The following FBXO32 variants were observed in gnomAD, a reference collection of about 807,000 sequenced individuals.
FBXO32 encodes the protein F-box only protein 32.
In FBXO32, 15 loss-of-function variants were observed where a neutral mutation model predicts 48.3. The ratio of observed to expected loss-of-function variants is 0.31; its 90% CI spans 0.21 to 0.48. The LOEUF (loss-of-function observed/expected upper bound fraction) is 0.48, where lower values mean the gene tolerates loss of function less well. Ranked by LOEUF, FBXO32 falls within the 20% of genes least tolerant of loss-of-function variation. The pLI, the probability that FBXO32 is intolerant of heterozygous loss-of-function variation, is 0.99. For missense variants in FBXO32, 309 were observed against 432.7 expected, an observed-to-expected ratio of 0.71 and a Z score of 2.54; for synonymous variants, 154 against 165.9, an observed-to-expected ratio of 0.93 and a Z score of 0.55.
At position 123,500,156 on chromosome 8, in the gene FBXO32, T is replaced by A. The variant is rs1398739382; in HGVS notation, c.*3217A>T. On this transcript the variant is annotated 3_prime_UTR_variant, in exon 9 of 9. Coordinates refer to ENST00000517956, the MANE Select transcript of FBXO32 (RefSeq NM_058229.4). The stretch of plus-strand genomic sequence containing the variant: ...GCCATTGGATTTTTTTTTTTCTGGA[T>A]CTTGCTCTAGTGTGAGCACTCCTGA... 6.6e-6 allele frequency: 1 copy of A among 152,122 alleles called. No individual in the cohort carries two copies. The highest frequency in any genetic ancestry group is 6.5e-5 in the Admixed American group (1 of 15,274). 9.4% of individuals were successfully genotyped at this position (152,122 alleles called of 1,614,324 possible).
Position 123,504,698 on chromosome 8 carries a change from T to A in FBXO32, c.884A>T (p.Lys295Met), listed in dbSNP as rs1470097321. ...ACATCGGACAAGTTTGAAATACATC[T>A]TCTTCCAATCCAGCTGCCCTTTGTC... is the stretch of plus-strand genomic sequence containing the variant. ...LSDKGQLDWK[K>M]MYFKLVRCYP... is the part of the protein sequence containing the mutation. The change falls in exon 8 of 9, where the codon AAG (lysine) becomes ATG (methionine). Residue 295 changes from lysine (K) to methionine (M), a missense_variant. By Grantham distance (95) the Lys-to-Met change is moderately conservative. Transcript: ENST00000517956. The A allele has an allele frequency of 8.7e-6, 14 of 1,614,142 alleles. No homozygotes were observed. Among genetic ancestry groups the A allele is most frequent in the Non-Finnish European group, 1.2e-5 (14 of 1,180,002 alleles).
chr8:123,528,729 A>G (rs780595350), intron 4 of FBXO32, among the ~76,000 whole-genome samples: 1 of 152,256 alleles, frequency 6.6e-6, no homozygotes, highest in Non-Finnish European at 1.5e-5. Flanking sequence ...AGTGTTAGCC[A>G]TCTCTTTTAT....
At chr8:123,507,052 C>T (rs914331141) in intron 6 of FBXO32, among the ~76,000 whole-genome samples, 1 of 152,146 alleles carries the variant, frequency 6.6e-6, no homozygotes, top group African/African-American at 2.4e-5. Flanking sequence ...GCCTTCGCCT[C>T]CCCAGTCTTC....
intron 4 of FBXO32, 30 bp downstream of exon 4, chr8:123,531,868 T>C: frequency 6.2e-7 from 1 of 1,609,992 alleles, no homozygotes; most frequent in Non-Finnish European, 8.5e-7. Flanking sequence ...GGAAAGAGCC[T>C]GGATGAGCCT....
chr8:123,524,001 G>A (rs1391066447), intron 4 of FBXO32, among the ~76,000 whole-genome samples: 2 of 152,068 alleles, frequency 1.3e-5, no homozygotes, highest in Non-Finnish European at 2.9e-5. Context: ...CATCATTACT[G>A]GCATCTTTTA....
At chr8:123,532,155 A>AG in intron 3 of FBXO32, 165 bp from the exon 4 acceptor site, 1 of 1,398,236 alleles carries the variant, frequency 7.2e-7, no homozygotes, top group South Asian at 1.6e-5. Flanking sequence ...CAAGCCCTTG[A>AG]GAGCCACCAA....
intron 6 of FBXO32, among the ~76,000 whole-genome samples, chr8:123,509,439 C>A (rs1197226929): frequency 6.6e-6 from 1 of 152,064 alleles, no homozygotes; most frequent in African/African-American, 2.4e-5. Context: ...GTGGCTCATG[C>A]CTGTAATCCT....
rs1328553594 is a variant in FBXO32 at position 123,499,950 on chromosome 8, G to A, written c.*3423C>T. On this transcript the variant is annotated 3_prime_UTR_variant, in exon 9 of 9. Transcript: ENST00000517956. ...TACAAACCCAGTCCCTCTGAAATAC[G>A]TCTTCCAAGCCACTTCAATGTAAAC... The A allele has an allele frequency of 5.9e-5, 9 of 152,144 alleles. No homozygotes were observed. The highest frequency in any genetic ancestry group is 1.0e-4 in the Non-Finnish European group (7 of 68,038). The allele number at this position is 152,144 out of a possible 1,614,324, so 9.4% of individuals were successfully genotyped here. A position where few individuals can be genotyped will look rare whatever the true frequency, so the allele number is the denominator to read the frequency against.
At chr8:123,508,257 C>T (rs1397440866) in intron 6 of FBXO32, among the ~76,000 whole-genome samples, 1 of 152,128 alleles carries the variant, frequency 6.6e-6, no homozygotes, top group African/African-American at 2.4e-5. Flanking sequence ...CACATCGAAG[C>T]CTAAACACAT....
At chr8:123,532,304 TA>T (rs1050737987) in intron 3 of FBXO32, among the ~76,000 whole-genome samples, 2 of 152,168 alleles carry the variant, frequency 1.3e-5, no homozygotes, top group Non-Finnish European at 2.9e-5. Context: ...AATTGCTTAT[TA>T]AGGAAAGACT....
In FBXO32 at chr8:123,503,313, A is replaced by G. The variant is rs1489969257; in HGVS notation, c.*60T>C. ...TTTACAAATGAAGTGTCCAAATGCC[A>G]TATTCCCAGCTCTCCAGTCAGCAGG... On this transcript the variant is annotated 3_prime_UTR_variant, in exon 9 of 9. Transcript: ENST00000517956. The G allele has an allele frequency of 1.2e-5, 17 of 1,388,438 alleles. No homozygotes were observed. Among genetic ancestry groups the G allele is most frequent in the South Asian group, 2.3e-5 (2 of 85,364 alleles). The allele number at this position is 1,388,438 out of a possible 1,614,324, so 86.0% of individuals were successfully genotyped here. A position where few individuals can be genotyped will look rare whatever the true frequency, so the allele number is the denominator to read the frequency against.
At position 123,540,284 on chromosome 8, in the gene FBXO32, A is replaced by C. The variant is rs1488375978; in HGVS notation, c.116+615T>G. Among the ~76,000 whole-genome samples, 1 of 152,150 alleles carries C rather than the reference A, an allele frequency of 6.6e-6. No homozygotes were observed. Among genetic ancestry groups the C allele is most frequent in the South Asian group, 2.1e-4 (1 of 4,826 alleles). On this transcript the variant is annotated intron_variant, in intron 1 of 8. Transcript: ENST00000517956. This position sits in a 1 kb window ranked among gnomAD's most constrained non-coding sequence, Gnocchi z 6.4. The stretch of plus-strand genomic sequence containing the variant: ...CCCCTTCCCTCCTTTGCACCTCTGC[A>C]GCCCCAAGCCTCCACCGCTCGCAAG...
chr8:123,503,341 G>A lies in FBXO32; in HGVS notation c.*32C>T, dbSNP rs1461433256. The A allele has an allele frequency of 6.5e-7, 1 of 1,547,032 alleles. No individual in the cohort carries two copies. The highest frequency in any genetic ancestry group is 1.1e-5 in the South Asian group (1 of 89,558). On this transcript the variant is annotated 3_prime_UTR_variant, in exon 9 of 9. Transcript: ENST00000517956. ...TTCCCAGCTCTCCAGTCAGCAGGGG[G>A]ACCCTTCTGAAGTGTTGTCATGTGC...
intron 4 of FBXO32, among the ~76,000 whole-genome samples, chr8:123,518,712 T>G (rs1399759178): frequency 6.6e-6 from 1 of 152,232 alleles, no homozygotes; most frequent in African/African-American, 2.4e-5. Flanking sequence ...GCTTCTCCAT[T>G]TAACCATTGA....
intron 1 of FBXO32, among the ~76,000 whole-genome samples, chr8:123,535,912 T>G (rs1297648945): frequency 2.0e-5 from 3 of 152,112 alleles, no homozygotes; most frequent in African/African-American, 7.2e-5. Flanking sequence ...GTAACTTGAT[T>G]TACATCTTTT....
chr8:123,509,124 C>T (rs908870315), intron 6 of FBXO32, among the ~76,000 whole-genome samples: 15 of 151,964 alleles, frequency 9.9e-5, no homozygotes, highest in Non-Finnish European at 2.9e-5. Context: ...TTCCTTCATT[C>T]TTTATTATAT....
At chr8:123,511,551 CT>C (rs1373058739) in intron 6 of FBXO32, among the ~76,000 whole-genome samples, 1 of 151,604 alleles carries the variant, frequency 6.6e-6, no homozygotes, top group African/African-American at 2.4e-5. Context: ...TCTTGGCTTA[CT>C]GCAACCTTCA....
rs115115973 is a variant in FBXO32, at chr8:123,536,241, T to C, written c.117-1427A>G. ...AGTTTCCTACTAAACTCAATAGCTT[T>C]CTCCTTTTCATTCAGGGAAACAGGA... On this transcript the variant is annotated intron_variant, in intron 1 of 8. Coordinates refer to ENST00000517956, the MANE Select transcript of FBXO32 (RefSeq NM_058229.4). Among the ~76,000 whole-genome samples the C allele has an allele frequency of 4.3e-3, 651 of 152,318 alleles. 4 individuals are homozygous for C. The highest frequency in any genetic ancestry group is 0.015 in the African/African-American group (624 of 41,566).
chr8:123,533,043 G>A, intron 3 of FBXO32, 148 bp downstream of exon 3: 1 of 623,600 alleles, frequency 1.6e-6, no homozygotes, highest in South Asian at 2.1e-5. Flanking sequence ...TCTGATGGTT[G>A]GCTAAATAAT....
Sources: gnomAD v4.1 joint callset for allele counts (sites outside exome capture counted in the v4.1 genomes callset) on GRCh38, gnomAD v4.1.1 for gene constraint, Gnocchi (gnomAD v3.1) non-coding constraint, MANE v1.5 for transcripts, NCBI Gene and HGNC (gene_info 2026-07-23, HGNC 2026-07-21) for gene names.